The following COL16A1 variants were observed in gnomAD, a reference collection of about 807,000 sequenced individuals.
COL16A1 encodes collagen type XVI alpha 1 chain.
Under a neutral mutation model 266.3 loss-of-function variants are expected in COL16A1, and 189 were observed. The observed-to-expected ratio is 0.71, with a 90% CI of 0.63 to 0.80. The LOEUF (loss-of-function observed/expected upper bound fraction) is 0.80. Ranked by LOEUF, COL16A1 falls within the 30% of genes least tolerant of loss-of-function variation. COL16A1 has a pLI of 0.00. For synonymous variants in COL16A1, 740 were observed against 782.3 expected, an observed-to-expected ratio of 0.95 and a Z score of 0.90; for missense variants, 1,928 against 2,122.4, an observed-to-expected ratio of 0.91 and a Z score of 1.80.
chr1:31,684,264 G>C (rs537977272), intron 31 of COL16A1, 33 bp from the exon 32 acceptor site: 18 of 1,455,542 alleles, frequency 1.2e-5, no homozygotes, highest in Non-Finnish European at 1.5e-5. Context: ...AGGAGCCCAT[G>C]AGCCGGGGCT....
intron 10 of COL16A1, 110 bp downstream of exon 10, chr1:31,695,651 A>C: frequency 9.6e-7 from 1 of 1,037,826 alleles, no homozygotes; most frequent in Non-Finnish European, 1.5e-6. Context: ...AAGGAATGCC[A>C]GGAGCTGTGT....
intron 34 of COL16A1, 65 bp downstream of exon 34, chr1:31,683,642 T>C (rs188543185): frequency 6.2e-7 from 1 of 1,611,748 alleles, no homozygotes; most frequent in Admixed American, 1.7e-5. Context: ...TGGGAGTGGA[T>C]GGAAGTAGGT....
At chr1:31,691,365 G>A in intron 19 of COL16A1, 52 bp downstream of exon 19, 8 of 1,588,362 alleles carry the variant, frequency 5.0e-6, no homozygotes, top group Non-Finnish European at 6.9e-6. Context: ...TGGCCAGGGT[G>A]GGAGAGCGGT....
chr1:31,676,689 G>A (rs927654000), intron 42 of COL16A1, among the ~76,000 whole-genome samples: 5 of 152,216 alleles, frequency 3.3e-5, no homozygotes, highest in Non-Finnish European at 7.3e-5. Context: ...CATGCCACCC[G>A]GACAATGTTC....
Position 31,656,995 on chromosome 1 carries a change from C to G in COL16A1, c.4056+38G>C. On this transcript the variant is annotated intron_variant, in intron 65 of 70. Coordinates refer to ENST00000373672, the MANE Select transcript of COL16A1 (RefSeq NM_001856.4). This position sits in a 1 kb window ranked among gnomAD's most constrained non-coding sequence, Gnocchi z 4.2. Reference sequence around the variant, plus strand: ...TCAGGGCAAGGCGAGGAGCAAGAAGCACCCCCAAGGAAACAGAGAAGACCA... The same window carrying G: ...TCAGGGCAAGGCGAGGAGCAAGAAGGACCCCCAAGGAAACAGAGAAGACCA... 1.2e-6 allele frequency: 2 copies of G among 1,613,996 alleles called. No homozygotes were observed. The highest frequency in any genetic ancestry group is 1.7e-6 in the Non-Finnish European group (2 of 1,179,936).
intron 42 of COL16A1, among the ~76,000 whole-genome samples, chr1:31,676,073 G>A (rs781312738): frequency 1.3e-5 from 2 of 152,100 alleles, no homozygotes; most frequent in South Asian, 4.1e-4. Context: ...ACCTGCAATC[G>A]TAGCACTTTG....
intron 26 of COL16A1, among the ~76,000 whole-genome samples, chr1:31,687,935 G>A (rs530760918): frequency 3.9e-5 from 6 of 152,268 alleles, no homozygotes; most frequent in South Asian, 2.1e-4. Flanking sequence ...AAATAGATAC[G>A]TTAACACAGG....
At chr1:31,672,360 CA>C (rs1184226465) in intron 47 of COL16A1, 55 bp downstream of exon 47, 2 of 1,605,140 alleles carry the variant, frequency 1.2e-6, no homozygotes, top group Non-Finnish European at 8.5e-7. Flanking sequence ...CAAGAGGTCT[CA>C]AAGGCAGACA....
At chr1:31,672,338 C>G in intron 47 of COL16A1, 78 bp downstream of exon 47, 1 of 1,552,782 alleles carries the variant, frequency 6.4e-7, no homozygotes, top group Non-Finnish European at 8.8e-7. Flanking sequence ...CAGGTGAGGC[C>G]TCGGAGGCCC....
chr1:31,665,414 G>C, intron 55 of COL16A1, 169 bp downstream of exon 55: 1 of 1,425,352 alleles, frequency 7.0e-7, no homozygotes, highest in Non-Finnish European at 9.5e-7. Context: ...CAAGAGGCTG[G>C]GCTCTCCAGG....
chr1:31,670,439 G>A lies in COL16A1; in HGVS notation c.3195+163C>T, dbSNP rs1642555001. 11 of 862,904 alleles carry A rather than the reference G, an allele frequency of 1.3e-5. No individual in the cohort carries two copies. The highest frequency in any genetic ancestry group is 1.8e-5 in the Non-Finnish European group (11 of 624,752). The allele number at this position is 862,904 out of a possible 1,614,324, so 53.5% of individuals were successfully genotyped here. ...AGTCAGAGACTGGGAGGATGTCCAA[G>A]CTGCCGGGACCTCAGAGAACCCGTG... On this transcript the variant is annotated intron_variant, in intron 49 of 70. Transcript: ENST00000373672. The surrounding 1 kb of genome is among the most constrained non-coding windows in gnomAD (Gnocchi z 4.5).
chr1:31,678,004 T>G (rs1337183837), intron 42 of COL16A1, among the ~76,000 whole-genome samples: 1 of 152,160 alleles, frequency 6.6e-6, no homozygotes. Context: ...TTCCTGGCAG[T>G]GTGGCAGGAA....
rs1285777662 is a variant in COL16A1 at position 31,670,629 on chromosome 1, A to G, written c.3168T>C (p.Pro1056=). Residue 1056 remains proline, a synonymous_variant, in exon 49 of 71, where the codon CCT becomes CCC. Coordinates refer to ENST00000373672, the MANE Select transcript of COL16A1 (RefSeq NM_001856.4). This position sits in a 1 kb window ranked among gnomAD's most constrained non-coding sequence, Gnocchi z 4.5. ...GCAATCCGGGGGAGCCAACAGCACCAGGAAAACCTGGGGGGCCCTGGTGGG... is the reference window on the plus strand; with the variant it reads ...GCAATCCGGGGGAGCCAACAGCACCGGGAAAACCTGGGGGGCCCTGGTGGG... ...PPGPIGPPGF[P]GAVGSPGLPG... 6.3e-6 allele frequency: 9 copies of G among 1,426,134 alleles called. No homozygotes were observed. Among genetic ancestry groups the G allele is most frequent in the Non-Finnish European group, 8.2e-6 (9 of 1,094,036 alleles). 88.3% of individuals were successfully genotyped at this position (1,426,134 alleles called of 1,614,324 possible).
intron 36 of COL16A1, 31 bp from the exon 37 acceptor site, chr1:31,683,033 G>C: frequency 6.2e-7 from 1 of 1,613,572 alleles, no homozygotes; most frequent in African/African-American, 1.3e-5. Flanking sequence ...AGGTCTCAGG[G>C]GCAGAATTGG....
intron 64 of COL16A1, 123 bp downstream of exon 64, chr1:31,658,365 C>T: frequency 2.3e-6 from 2 of 853,890 alleles, no homozygotes; most frequent in Non-Finnish European, 3.8e-6. Context: ...GCCACGCTGC[C>T]ATCCTGCCAT....
Position 31,670,636 on chromosome 1 carries a change from C to G in COL16A1, c.3161G>C (p.Gly1054Ala). The G allele has an allele frequency of 7.0e-7, 1 of 1,426,970 alleles. No individual in the cohort carries two copies. 88.4% of individuals were successfully genotyped at this position (1,426,970 alleles called of 1,614,324 possible). A position where few individuals can be genotyped will look rare whatever the true frequency, so the allele number is the denominator to read the frequency against. ...GGGGGAGCCAACAGCACCAGGAAAA[C>G]CTGGGGGGCCCTGGTGGGAGAAACA... The part of the protein sequence containing the change: ...PGPPGPIGPP[G>A]FPGAVGSPGL... Residue 1054 changes from glycine (G) to alanine (A), a missense_variant, in exon 49 of 71, where the codon GGT (glycine) becomes GCT (alanine). Coordinates refer to ENST00000373672, the MANE Select transcript of COL16A1 (RefSeq NM_001856.4). The surrounding 1 kb of genome is among the most constrained non-coding windows in gnomAD (Gnocchi z 4.5).
chr1:31,658,201 G>A (rs929427437), intron 64 of COL16A1, among the ~76,000 whole-genome samples: 4 of 152,196 alleles, frequency 2.6e-5, no homozygotes, highest in Non-Finnish European at 5.9e-5. Flanking sequence ...AAGCTCCCCT[G>A]GGGAAGGGGA....
rs565231722 is a variant in COL16A1 at position 31,699,794 on chromosome 1, G to T, written c.266+19C>A. 8.2e-6 allele frequency: 12 copies of T among 1,457,876 alleles called. No homozygotes were observed. The African/African-American group carries it at 1.4e-4, about 17-fold the overall frequency. 90.3% of individuals were successfully genotyped at this position (1,457,876 alleles called of 1,614,324 possible). ...CTGAGGTCAGTGTTGATTCTCAGTG[G>T]TCACATGGATGCATTTACCGCGTGG... On this transcript the variant is annotated intron_variant, in intron 4 of 70. Transcript: ENST00000373672.
Position 31,698,652 on chromosome 1 carries a change from C to T in COL16A1, c.267-46G>A. 1.2e-6 allele frequency: 2 copies of T among 1,605,198 alleles called. No individual in the cohort carries two copies. The highest frequency in any genetic ancestry group is 2.2e-5 in the East Asian group (1 of 44,830). On this transcript the variant is annotated intron_variant, in intron 4 of 70. Transcript: ENST00000373672. This position sits in a 1 kb window ranked among gnomAD's most constrained non-coding sequence, Gnocchi z 4.1. ...GTGCCCTGAGGCTCCAATGAGGACCCAAATGCTGCCCACCCTGAGCCCTCA... is the reference window on the plus strand; with the variant it reads ...GTGCCCTGAGGCTCCAATGAGGACCTAAATGCTGCCCACCCTGAGCCCTCA...
Sources: allele counts gnomAD v4.1 joint callset (sites outside exome capture counted in the v4.1 genomes callset), GRCh38; gene constraint gnomAD v4.1.1; non-coding constraint Gnocchi (gnomAD v3.1); transcripts MANE v1.5; gene names NCBI Gene and HGNC (gene_info 2026-07-23, HGNC 2026-07-21).